The following ZNF92 variants were observed in gnomAD, a reference collection of about 807,000 sequenced individuals.
ZNF92 encodes the protein epididymis luminal protein 203.
ZNF92 carries 11 observed loss-of-function variants against 12.4 expected under a neutral mutation model. That is an observed-to-expected ratio of 0.89 (90% confidence interval 0.56 to 1.47). The LOEUF is 1.47. Ranked by LOEUF, ZNF92 falls within the 40% of genes most tolerant of loss-of-function variation. The probability of loss-of-function intolerance (pLI) is 0.00; values close to 1 mark genes in which losing one functional copy is unlikely to be tolerated. For synonymous variants in ZNF92, 206 were observed against 228.6 expected (o/e 0.90, Z 0.89); for missense variants, 622 against 681.0 (o/e 0.91, Z 0.96).
intron 1 of ZNF92, among the ~76,000 whole-genome samples, chr7:65,377,963 C>A (rs1269824123): frequency 6.6e-6 from 1 of 152,150 alleles, no homozygotes; most frequent in Non-Finnish European, 1.5e-5. Context: ...ACTACAAGAT[C>A]TTTAAGGATT....
chr7:65,378,171 G>A (rs961676363), intron 1 of ZNF92, among the ~76,000 whole-genome samples: 25 of 151,624 alleles, frequency 1.6e-4, no homozygotes, highest in African/African-American at 4.8e-4. Context: ...GGTGGCGGGC[G>A]ACTGTAATCC....
At chr7:65,381,364 GT>G (rs61408368) in intron 1 of ZNF92, among the ~76,000 whole-genome samples, 2 of 149,784 alleles carry the variant, frequency 1.3e-5, no homozygotes, top group East Asian at 2.0e-4. Context: ...TTTTAATAAG[GT>G]TTTTTTTTTC....
chr7:65,384,704 A>G (rs1388374305), intron 1 of ZNF92, among the ~76,000 whole-genome samples: 1 of 151,788 alleles, frequency 6.6e-6, no homozygotes. Flanking sequence ...TATTCCTCTC[A>G]TCTGTCTATA....
intron 1 of ZNF92, among the ~76,000 whole-genome samples, chr7:65,386,160 C>T (rs1033927367): frequency 1.1e-4 from 17 of 152,202 alleles, no homozygotes; most frequent in African/African-American, 3.6e-4. Flanking sequence ...GCTGGGATTA[C>T]AGGCGCGTGC....
At chr7:65,385,084 G>T (rs1189031238) in intron 1 of ZNF92, among the ~76,000 whole-genome samples, 1 of 152,118 alleles carries the variant, frequency 6.6e-6, no homozygotes, top group East Asian at 1.9e-4. Context: ...GAGTGTAAGG[G>T]ATTCTGTGAT....
chr7:65,376,276 T>G (rs932842708), intron 1 of ZNF92, among the ~76,000 whole-genome samples: 1 of 152,092 alleles, frequency 6.6e-6, no homozygotes, highest in African/African-American at 2.4e-5. Context: ...ATATTTTTTT[T>G]TACTTATTTT....
At chr7:65,395,477 G>A (rs1310741186) in intron 3 of ZNF92, among the ~76,000 whole-genome samples, 1 of 152,078 alleles carries the variant, frequency 6.6e-6, no homozygotes, top group Non-Finnish European at 1.5e-5. Context: ...AAGCCTAGTT[G>A]GTCTATGATA....
rs1313479137 is a variant in ZNF92 at position 65,398,700 on chromosome 7, A to G, written c.586A>G (p.Thr196Ala). 1.2e-6 allele frequency: 2 copies of G among 1,611,454 alleles called. No individual in the cohort carries two copies. Among genetic ancestry groups the G allele is most frequent in the African/African-American group, 2.7e-5 (2 of 74,762 alleles). Reference sequence around the variant, plus strand: ...ATTAACTCAACATAAGAAAATTCATACTAGAGAGTATTCTTACAAATGTGA... The same window carrying G: ...ATTAACTCAACATAAGAAAATTCATGCTAGAGAGTATTCTTACAAATGTGA... Reference protein sequence around the residue: ...SQLTQHKKIHTREYSYKCEEC... With the variant: ...SQLTQHKKIHAREYSYKCEEC... Residue 196 changes from threonine to alanine, a missense_variant, in exon 4 of 4, where the codon ACT (threonine) becomes GCT (alanine). Thr to Ala is a moderately conservative substitution (Grantham distance 58, BLOSUM62 0). Transcript: ENST00000328747.
rs192331691 is a variant in ZNF92, at chr7:65,389,767, G to A, written c.226+866G>A. On this transcript the variant is annotated intron_variant, in intron 3 of 3. Transcript: ENST00000328747. ...CTTGACCTTGTGATCCGCCCGCCTCGGCCTCCCAAAGTGCTGGGATTACAG... is the reference window on the plus strand; with the variant it reads ...CTTGACCTTGTGATCCGCCCGCCTCAGCCTCCCAAAGTGCTGGGATTACAG... 1.1e-3 allele frequency among the ~76,000 whole-genome samples: 166 copies of A among 151,512 alleles called. 1 individual carries two copies. Among genetic ancestry groups the A allele is most frequent in the Non-Finnish European group, 1.8e-3 (121 of 67,850 alleles).
intron 1 of ZNF92, among the ~76,000 whole-genome samples, chr7:65,374,398 TA>T: frequency 6.6e-6 from 1 of 152,156 alleles, no homozygotes; most frequent in South Asian, 2.1e-4. Flanking sequence ...TTTTTCCTAT[TA>T]AAAATTTATG....
intron 1 of ZNF92, among the ~76,000 whole-genome samples, chr7:65,380,761 G>T (rs539939347): frequency 7.9e-5 from 12 of 152,142 alleles, no homozygotes; most frequent in South Asian, 4.1e-4. Context: ...GTTTTGTGAG[G>T]AATTGTCACA....
At chr7:65,374,396 A>G (rs913493441) in intron 1 of ZNF92, among the ~76,000 whole-genome samples, 1 of 152,090 alleles carries the variant, frequency 6.6e-6, no homozygotes, top group African/African-American at 2.4e-5. Context: ...CTTTTTTCCT[A>G]TTAAAAATTT....
chr7:65,388,195 A>C (rs1793624632), intron 2 of ZNF92, 167 bp downstream of exon 2: 1 of 620,374 alleles, frequency 1.6e-6, no homozygotes, highest in Non-Finnish European at 2.5e-6. Context: ...AAGATGTTTC[A>C]TTTTGACCTG....
In ZNF92 at chr7:65,399,401, A is replaced by C; in HGVS notation, c.1287A>C (p.Lys429Asn). ...GAGAGAAACCCTACAAATGTGAAAA[A>C]TGTGGCAAGGCCTTTAGCTGGTCCT... Reference protein sequence around the residue: ...HTGEKPYKCEKCGKAFSWSSA... With the variant: ...HTGEKPYKCENCGKAFSWSSA... Residue 429 changes from lysine to asparagine, a missense_variant, in exon 4 of 4, where the codon AAA becomes AAC. By Grantham distance (94) the Lys-to-Asn change is moderately conservative. Coordinates refer to ENST00000328747, the MANE Select transcript of ZNF92 (RefSeq NM_152626.4). The C allele has an allele frequency of 6.2e-7, 1 of 1,613,660 alleles. No homozygotes were observed. Among genetic ancestry groups the C allele is most frequent in the Non-Finnish European group, 8.5e-7 (1 of 1,179,774 alleles).
intron 1 of ZNF92, among the ~76,000 whole-genome samples, chr7:65,374,954 C>T (rs989378264): frequency 6.6e-6 from 1 of 152,096 alleles, no homozygotes; most frequent in African/African-American, 2.4e-5. Flanking sequence ...AACTTACCCT[C>T]CCTAATTCGC....
chr7:65,391,987 T>C (rs1296586849), intron 3 of ZNF92, among the ~76,000 whole-genome samples: 1 of 152,124 alleles, frequency 6.6e-6, no homozygotes, highest in Non-Finnish European at 1.5e-5. Context: ...TACAGTTCCA[T>C]ATTAGTGTTT....
rs747967528 is a variant in ZNF92 at position 65,398,359 on chromosome 7, C to G, written c.245C>G (p.Ala82Gly). ...TTTTCAGTTATGTGTTCTCATTTTG[C>G]CCAAGATGTTTGGCCAGAGCACAGC... ...DKTPVMCSHF[A>G]QDVWPEHSIK... The change falls in exon 4 of 4, where the codon GCC becomes GGC. Residue 82 changes from alanine to glycine, a missense_variant. By Grantham distance (60) the Ala-to-Gly change is moderately conservative. Coordinates refer to ENST00000328747, the MANE Select transcript of ZNF92 (RefSeq NM_152626.4). 1.3e-6 allele frequency: 2 copies of G among 1,555,144 alleles called. No homozygotes were observed. Among genetic ancestry groups the G allele is most frequent in the South Asian group, 1.2e-5 (1 of 81,046 alleles).
intron 1 of ZNF92, among the ~76,000 whole-genome samples, chr7:65,383,593 G>A (rs1793482690): frequency 6.6e-6 from 1 of 152,086 alleles, no homozygotes; most frequent in Admixed American, 6.6e-5. Flanking sequence ...GAATCTGATG[G>A]CAGAATCTGT....
In ZNF92 at chr7:65,399,880, T is replaced by C. The variant is rs1290081304; in HGVS notation, c.*5T>C. ...AAAGAGAAACTACAAACCTGAAAGA[T>C]GTGACAATGATTTTCACTACACCTC... is the stretch of plus-strand genomic sequence containing the variant. On this transcript the variant is annotated 3_prime_UTR_variant, in exon 4 of 4. Transcript: ENST00000328747. The C allele has an allele frequency of 6.4e-7, 1 of 1,553,452 alleles. No homozygotes were observed. Among genetic ancestry groups the C allele is most frequent in the Non-Finnish European group, 8.7e-7 (1 of 1,153,412 alleles).
Sources: gnomAD v4.1 joint callset for allele counts (sites outside exome capture counted in the v4.1 genomes callset) on GRCh38, gnomAD v4.1.1 for gene constraint, MANE v1.5 for transcripts, NCBI Gene and HGNC (gene_info 2026-07-23, HGNC 2026-07-21) for gene names.